Variants in NXN observed in about 807,000 individuals in gnomAD.
The protein encoded by NXN is nucleoredoxin.
Under a neutral mutation model 48.6 loss-of-function variants are expected in NXN, and 16 were observed. The ratio of observed to expected loss-of-function variants is 0.33; its 90% CI spans 0.22 to 0.50. NXN has a LOEUF of 0.50. NXN is among the 20% of genes least tolerant of loss of function. The probability of loss-of-function intolerance (pLI) is 0.98; values close to 1 mark genes in which losing one functional copy is unlikely to be tolerated. For missense variants in NXN, 492 were observed against 605.5 expected (o/e 0.81, Z 1.97); for synonymous variants, 281 against 269.6 (o/e 1.04, Z -0.41).
intron 5 of NXN, among the ~76,000 whole-genome samples, chr17:811,244 A>G (rs1451115088): frequency 6.6e-6 from 1 of 152,208 alleles, no homozygotes; most frequent in Non-Finnish European, 1.5e-5. Context: ...CATCTGCTCC[A>G]GGCCCTGCAC....
At chr17:904,209 G>C (rs1191718382) in intron 1 of NXN, among the ~76,000 whole-genome samples, 1 of 152,206 alleles carries the variant, frequency 6.6e-6, no homozygotes, top group Non-Finnish European at 1.5e-5. Context: ...GCCTGGGGAA[G>C]GGCTGGCCGA....
At chr17:936,923 C>T (rs1217673145) in intron 1 of NXN, among the ~76,000 whole-genome samples, 1 of 151,956 alleles carries the variant, frequency 6.6e-6, no homozygotes. Flanking sequence ...GGCAGAAAGG[C>T]CGGGTACGGT....
chr17:979,682 G>C lies in NXN; in HGVS notation c.-4C>G. 1 of 1,444,114 alleles carries C rather than the reference G, an allele frequency of 6.9e-7. No homozygotes were observed. Among genetic ancestry groups the C allele is most frequent in the Non-Finnish European group, 9.1e-7 (1 of 1,095,964 alleles). 89.5% of individuals were successfully genotyped at this position (1,444,114 alleles called of 1,614,324 possible). A position where few individuals can be genotyped will look rare whatever the true frequency, so the allele number is the denominator to read the frequency against. The stretch of plus-strand genomic sequence containing the variant: ...GCTCCTCCAGGAAGCCCGACATCCT[G>C]GCCCACCGCAGGGCGGGCAGGCGGC... On this transcript the variant is annotated 5_prime_UTR_variant, in exon 1 of 8. Coordinates refer to ENST00000336868, the MANE Select transcript of NXN (RefSeq NM_022463.5).
At chr17:887,164 G>A (rs987367076) in intron 1 of NXN, among the ~76,000 whole-genome samples, 2 of 151,692 alleles carry the variant, frequency 1.3e-5, no homozygotes, top group Non-Finnish European at 2.9e-5. Flanking sequence ...CAATTCACCC[G>A]CCTCAACCTT....
Position 979,716 on chromosome 17 carries a change from C to G in NXN, c.-38G>C, listed in dbSNP as rs746742877. On this transcript the variant is annotated 5_prime_UTR_variant, in exon 1 of 8. Coordinates refer to ENST00000336868, the MANE Select transcript of NXN (RefSeq NM_022463.5). ...CAGGGCGGGCAGGCGGCTGCGACCC[C>G]GCTCCACGGTCCGCGCGGCGGGAGG... 16 of 1,316,822 alleles carry G rather than the reference C, an allele frequency of 1.2e-5. No individual in the cohort carries two copies. The highest frequency in any genetic ancestry group is 1.9e-5 in the South Asian group (1 of 52,742). 81.6% of individuals were successfully genotyped at this position (1,316,822 alleles called of 1,614,324 possible). A position where few individuals can be genotyped will look rare whatever the true frequency, so the allele number is the denominator to read the frequency against.
intron 1 of NXN, among the ~76,000 whole-genome samples, chr17:855,536 G>A (rs2067976055): frequency 6.6e-6 from 1 of 152,148 alleles, no homozygotes; most frequent in Non-Finnish European, 1.5e-5. Context: ...GAACAGGTTT[G>A]TTGAAAAGTT....
chr17:825,192 G>C lies in NXN; in HGVS notation c.478+769C>G, dbSNP rs1442298443. Among the ~76,000 whole-genome samples the C allele has an allele frequency of 6.9e-6, 1 of 145,862 alleles. No homozygotes were observed. The highest frequency in any genetic ancestry group is 1.5e-5 in the Non-Finnish European group (1 of 67,158). ...GGGATCATGCCACAGCACTCGGCCT[G>C]GGCGACAGAGGGAGATAGTGTCTCA... On this transcript the variant is annotated intron_variant, in intron 2 of 7. Coordinates refer to ENST00000336868, the MANE Select transcript of NXN (RefSeq NM_022463.5). This position sits in a 1 kb window ranked among gnomAD's most constrained non-coding sequence, Gnocchi z 4.1.
At chr17:838,774 C>T (rs1913969214) in intron 1 of NXN, among the ~76,000 whole-genome samples, 1 of 152,204 alleles carries the variant, frequency 6.6e-6, no homozygotes, top group Non-Finnish European at 1.5e-5. Flanking sequence ...CCTGAATCTT[C>T]AAACACACTG....
At chr17:955,916 G>A (rs1435084065) in intron 1 of NXN, among the ~76,000 whole-genome samples, 1 of 149,410 alleles carries the variant, frequency 6.7e-6, no homozygotes, top group African/African-American at 2.5e-5. Context: ...AAAAAAAAGA[G>A]AGAGAGAGAG....
At chr17:889,709 AAG>A (rs1429515040) in intron 1 of NXN, among the ~76,000 whole-genome samples, 1 of 48,590 alleles carries the variant, frequency 2.1e-5, no homozygotes, top group African/African-American at 1.1e-4. Context: ...AAAAGAAAGA[AAG>A]AAAGAAAGAA....
intron 1 of NXN, among the ~76,000 whole-genome samples, chr17:885,713 C>G (rs1467147964): frequency 8.0e-6 from 1 of 125,454 alleles, no homozygotes; most frequent in South Asian, 2.7e-4. Flanking sequence ...GACAGAGTCG[C>G]TCTGTCCCCC....
chr17:810,536 C>T (rs1293817052), intron 5 of NXN, among the ~76,000 whole-genome samples: 1 of 152,142 alleles, frequency 6.6e-6, no homozygotes, highest in Non-Finnish European at 1.5e-5. Flanking sequence ...GAATCTGTTC[C>T]TCGGATCCTT....
intron 1 of NXN, chr17:911,336 C>CGTTTT (rs2068633814): frequency 8.5e-6 from 1 of 118,116 alleles, no homozygotes; most frequent in Non-Finnish European, 1.7e-5. Flanking sequence ...TGCAAGTCTT[C>CGTTTT]TTTTTTTTTT....
rs188182269 is a variant in NXN, at chr17:855,645, C to T, written c.361-29567G>A. Among the ~76,000 whole-genome samples, 10 of 152,346 alleles carry T rather than the reference C, an allele frequency of 6.6e-5. No individual in the cohort carries two copies. In the East Asian group the frequency reaches 1.9e-3, roughly 29 times the overall value. ...AGTACAGGCAAGGTCCCATCTGATC[C>T]ACCAGTTCTGGCAGCCAGATACCCA... is the stretch of plus-strand genomic sequence containing the variant. On this transcript the variant is annotated intron_variant, in intron 1 of 7. Transcript: ENST00000336868.
Position 826,056 on chromosome 17 carries a change from C to T in NXN, c.383G>A (p.Arg128Gln). 3 of 1,613,590 alleles carry T rather than the reference C, an allele frequency of 1.9e-6. No individual in the cohort carries two copies. Among genetic ancestry groups the T allele is most frequent in the Middle Eastern group, 1.7e-4 (1 of 6,058 alleles). The change falls in exon 2 of 8, where the codon CGA becomes CAA. Residue 128 changes from arginine to glutamine, a missense_variant. This residue lies in a region of NXN where 186 missense variants were observed against 199.1 expected (regional missense o/e 0.93). Transcript: ENST00000336868. ...HRKLKLWNKY[R>Q]ISNIPSLIFL... is the part of the protein sequence containing the mutation. ...TATTAGTGATGGAATGTTGGAAATTCGGTATTTGTTCCAAAGTTTGAGCTG... is the reference window on the plus strand; with the variant it reads ...TATTAGTGATGGAATGTTGGAAATTTGGTATTTGTTCCAAAGTTTGAGCTG...
chr17:863,174 C>T (rs59986806), intron 1 of NXN, among the ~76,000 whole-genome samples: 24,202 of 151,472 alleles, frequency 0.16, 2,560 homozygotes, highest in African/African-American at 0.29. Context: ...ACTGTTCTGT[C>T]TTCTTTGTTT....
chr17:896,894 T>C (rs1411001811), intron 1 of NXN: 3 of 1,146,562 alleles, frequency 2.6e-6, no homozygotes, highest in Non-Finnish European at 1.1e-6. Flanking sequence ...ACGCTATTTC[T>C]CAGTTCCTGC....
chr17:824,375 GC>G (rs1912984666), intron 2 of NXN, among the ~76,000 whole-genome samples: 1 of 152,086 alleles, frequency 6.6e-6, no homozygotes, highest in South Asian at 2.1e-4. Context: ...AAGTACAAAC[GC>G]CCAGGCCACA....
At chr17:808,155 C>A (rs1197764395) in intron 5 of NXN, among the ~76,000 whole-genome samples, 1 of 152,114 alleles carries the variant, frequency 6.6e-6, no homozygotes, top group Non-Finnish European at 1.5e-5. Context: ...TTAACCAGGG[C>A]GGGGAAGTCC....
Sources: allele counts gnomAD v4.1 joint callset (sites outside exome capture counted in the v4.1 genomes callset), GRCh38; gene constraint gnomAD v4.1.1; regional missense constraint gnomAD v4.1.1; non-coding constraint Gnocchi (gnomAD v3.1); transcripts MANE v1.5; gene names NCBI Gene and HGNC (gene_info 2026-07-23, HGNC 2026-07-21).